Variants in C1orf21 observed in about 807,000 individuals in gnomAD.
C1orf21 encodes chromosome 1 open reading frame 21, also known as uncharacterized protein C1orf21.
A neutral mutation model predicts 18.7 loss-of-function variants in C1orf21; 3 were observed. The ratio of observed to expected loss-of-function variants is 0.16; its 90% CI spans 0.07 to 0.42. The LOEUF is 0.42. Among genes scored for constraint, C1orf21 ranks in the 10% least tolerant of loss-of-function variants. C1orf21 has a pLI of 0.99. For synonymous variants in C1orf21, 41 were observed against 46.4 expected (o/e 0.88, Z 0.47); for missense variants, 104 against 143.6 (o/e 0.72, Z 1.41).
At chr1:184,402,128 A>T (rs1189261937) in intron 1 of C1orf21, among the ~76,000 whole-genome samples, 1 of 152,232 alleles carries the variant, frequency 6.6e-6, no homozygotes, top group Non-Finnish European at 1.5e-5. Flanking sequence ...ATTAAAATTA[A>T]ATAAAACTGA....
intron 1 of C1orf21, among the ~76,000 whole-genome samples, chr1:184,453,113 A>G (rs758779007): frequency 6.6e-6 from 1 of 152,176 alleles, no homozygotes; most frequent in Non-Finnish European, 1.5e-5. Context: ...AAATGCCTCT[A>G]AGTGATGCAT....
rs115497980 is a variant in C1orf21 at position 184,430,212 on chromosome 1, T to A, written c.-125+42844T>A. On this transcript the variant is annotated intron_variant, in intron 1 of 5. Coordinates refer to ENST00000235307, the MANE Select transcript of C1orf21 (RefSeq NM_030806.4). ...CTAAACCTGGCAACTCTAGGTAGCC[T>A]CTGTCTATGATCTGTGATACTGAGA... is the stretch of plus-strand genomic sequence containing the variant. Among the ~76,000 whole-genome samples, 1,015 of 151,952 alleles carry A rather than the reference T, an allele frequency of 6.7e-3. 20 individuals carry two copies. The highest frequency in any genetic ancestry group is 0.024 in the African/African-American group (978 of 41,466).
intron 1 of C1orf21, among the ~76,000 whole-genome samples, chr1:184,445,558 C>T (rs1039431754): frequency 4.7e-5 from 7 of 149,966 alleles, no homozygotes; most frequent in African/African-American, 1.7e-4. Flanking sequence ...TTGTTGCTAA[C>T]GAAAGGGTAA....
At chr1:184,613,098 C>T (rs377418379) in intron 5 of C1orf21, among the ~76,000 whole-genome samples, 24 of 152,216 alleles carry the variant, frequency 1.6e-4, no homozygotes, top group East Asian at 5.8e-4. Context: ...TACAGGCGCA[C>T]GCCACCACGC....
At chr1:184,577,955 T>TTTG (rs1558006970) in intron 3 of C1orf21, among the ~76,000 whole-genome samples, 1 of 141,388 alleles carries the variant, frequency 7.1e-6, no homozygotes, top group African/African-American at 2.7e-5. Flanking sequence ...TTGTTTTTGT[T>TTTG]TTTTTTTTTT....
intron 2 of C1orf21, among the ~76,000 whole-genome samples, chr1:184,492,165 A>C (rs1353150651): frequency 1.3e-5 from 2 of 152,248 alleles, no homozygotes; most frequent in Non-Finnish European, 2.9e-5. Context: ...AAGTGGCTGT[A>C]AAGCCCAGTG....
At chr1:184,464,729 T>C (rs1490709716) in intron 1 of C1orf21, among the ~76,000 whole-genome samples, 1 of 152,166 alleles carries the variant, frequency 6.6e-6, no homozygotes, top group African/African-American at 2.4e-5. Flanking sequence ...AAATATAGCT[T>C]AAGCAGAAAT....
At chr1:184,601,840 G>T (rs1659589206) in intron 5 of C1orf21, among the ~76,000 whole-genome samples, 1 of 151,900 alleles carries the variant, frequency 6.6e-6, no homozygotes, top group South Asian at 2.1e-4. Context: ...GGTGGAAGTT[G>T]CAGTGAGCCG....
intron 1 of C1orf21, among the ~76,000 whole-genome samples, chr1:184,433,722 A>T (rs1299003963): frequency 6.6e-6 from 1 of 152,148 alleles, no homozygotes; most frequent in African/African-American, 2.4e-5. Flanking sequence ...GACACTCGTC[A>T]TATTTCATGT....
At chr1:184,388,583 G>A (rs1655922938) in intron 1 of C1orf21, among the ~76,000 whole-genome samples, 1 of 151,888 alleles carries the variant, frequency 6.6e-6, no homozygotes, top group Admixed American at 6.6e-5. Context: ...GTTAGGAAGG[G>A]GACTGACACA....
intron 2 of C1orf21, among the ~76,000 whole-genome samples, chr1:184,491,888 A>G (rs1657821656): frequency 6.6e-6 from 1 of 152,244 alleles, no homozygotes; most frequent in African/African-American, 2.4e-5. Flanking sequence ...TCTCAAGTTT[A>G]TTTTTAGCTA....
At chr1:184,465,938 C>T (rs1028565009) in intron 1 of C1orf21, among the ~76,000 whole-genome samples, 1 of 152,160 alleles carries the variant, frequency 6.6e-6, no homozygotes, top group African/African-American at 2.4e-5. Context: ...CTTGACGCTG[C>T]ACTGCCGTCT....
chr1:184,492,286 G>A (rs147677203), intron 2 of C1orf21, among the ~76,000 whole-genome samples: 4 of 152,310 alleles, frequency 2.6e-5, no homozygotes, highest in South Asian at 4.1e-4. Context: ...TGGTTTCTGC[G>A]TCTTGGGAGT....
chr1:184,617,914 T>G lies in C1orf21; in HGVS notation c.328-1604T>G, dbSNP rs1347251127. On this transcript the variant is annotated intron_variant, in intron 5 of 5. Coordinates refer to ENST00000235307, the MANE Select transcript of C1orf21 (RefSeq NM_030806.4). ...CAGTTTGTTGTTGTTGTTTTTTTTT[T>G]TTTTTTTTTTTTTGAGATAGAGTCT... Among the ~76,000 whole-genome samples the G allele has an allele frequency of 3.1e-4, 45 of 146,516 alleles. 1 individual carries two copies. The highest frequency in any genetic ancestry group is 6.0e-4 in the East Asian group (3 of 5,038).
At chr1:184,411,384 C>T (rs1052810425) in intron 1 of C1orf21, among the ~76,000 whole-genome samples, 17 of 148,624 alleles carry the variant, frequency 1.1e-4, no homozygotes, top group East Asian at 7.8e-4. Context: ...CTTAAGCCAA[C>T]GTAATGAAAA....
intron 3 of C1orf21, among the ~76,000 whole-genome samples, chr1:184,541,171 A>T (rs1163874036): frequency 6.6e-6 from 1 of 152,170 alleles, no homozygotes; most frequent in African/African-American, 2.4e-5. Context: ...CCTCTTGGAG[A>T]AGGGTGGGAT....
intron 3 of C1orf21, among the ~76,000 whole-genome samples, chr1:184,581,994 T>A (rs894154808): frequency 6.6e-6 from 1 of 152,246 alleles, no homozygotes; most frequent in Admixed American, 6.5e-5. Flanking sequence ...GTAATTGTAA[T>A]GGAAGTATTG....
chr1:184,502,221 G>A (rs962684134), intron 2 of C1orf21, among the ~76,000 whole-genome samples: 1 of 152,170 alleles, frequency 6.6e-6, no homozygotes, highest in African/African-American at 2.4e-5. Context: ...CAAGACCAAG[G>A]TGCCTGCATT....
At position 184,574,898 on chromosome 1, in the gene C1orf21, T is replaced by C. The variant is rs1263921726; in HGVS notation, c.190-15841T>C. Among the ~76,000 whole-genome samples the C allele has an allele frequency of 2.0e-5, 3 of 152,202 alleles. No homozygotes were observed. In the East Asian group the frequency reaches 5.8e-4, roughly 29 times the overall value. On this transcript the variant is annotated intron_variant, in intron 3 of 5. Transcript: ENST00000235307. ...GGCCCAGTCCTGTCACTATCCCGCATCCACAGGACGAGCTCAGCTCGGGTG... is the reference window on the plus strand; with the variant it reads ...GGCCCAGTCCTGTCACTATCCCGCACCCACAGGACGAGCTCAGCTCGGGTG...
Sources: allele counts gnomAD v4.1 joint callset (sites outside exome capture counted in the v4.1 genomes callset), GRCh38; gene constraint gnomAD v4.1.1; transcripts MANE v1.5; gene names NCBI Gene and HGNC (gene_info 2026-07-23, HGNC 2026-07-21).